Variants in INPP4A observed in about 807,000 individuals in gnomAD.
INPP4A encodes the protein inositol polyphosphate-4-phosphatase, type I, 107kD.
INPP4A carries 33 observed loss-of-function variants against 119.8 expected under a neutral mutation model. The ratio of observed to expected loss-of-function variants is 0.28; its 90% CI spans 0.21 to 0.37. The LOEUF is 0.37. INPP4A is among the 10% of genes least tolerant of loss of function. The pLI is 1.00. For synonymous variants in INPP4A, 496 were observed against 500.7 expected (o/e 0.99, Z 0.12); for missense variants, 956 against 1,289.9 (o/e 0.74, Z 3.97).
At chr2:98,528,068 G>A (rs183565117) in intron 4 of INPP4A, among the ~76,000 whole-genome samples, 1 of 152,172 alleles carries the variant, frequency 6.6e-6, no homozygotes, top group Non-Finnish European at 1.5e-5. Context: ...AGGCACAAAT[G>A]TTTAACTTAG....
intron 10 of INPP4A, among the ~76,000 whole-genome samples, chr2:98,541,550 T>C (rs1393286486): frequency 1.3e-5 from 2 of 152,226 alleles, no homozygotes; most frequent in African/African-American, 4.8e-5. Flanking sequence ...TAATTTCCCA[T>C]TACATGGTGT....
intron 1 of INPP4A, among the ~76,000 whole-genome samples, chr2:98,488,791 A>G (rs1037480457): frequency 1.3e-5 from 2 of 152,234 alleles, no homozygotes; most frequent in South Asian, 4.1e-4. Flanking sequence ...CAGGGAAAGG[A>G]CCAGGAGACT....
At chr2:98,471,848 C>T (rs1401113898) in intron 1 of INPP4A, among the ~76,000 whole-genome samples, 1 of 152,162 alleles carries the variant, frequency 6.6e-6, no homozygotes, top group Non-Finnish European at 1.5e-5. Context: ...TGAAATTCTG[C>T]CACAGGCCAA....
chr2:98,514,989 T>C (rs1021241111), intron 1 of INPP4A, among the ~76,000 whole-genome samples: 2 of 151,864 alleles, frequency 1.3e-5, no homozygotes, highest in African/African-American at 2.4e-5. Flanking sequence ...TTTGGATAGC[T>C]GAGCATGCAG....
rs1697316554 is a variant in INPP4A, at chr2:98,570,834, C to T, written c.2519-1981C>T. Reference sequence around the variant, plus strand: ...AAACAGGTGTTCTTGTCCTGCTCAACATGAGAGAGGTGAGCACAGAACCGG... The same window carrying T: ...AAACAGGTGTTCTTGTCCTGCTCAATATGAGAGAGGTGAGCACAGAACCGG... On this transcript the variant is annotated intron_variant, in intron 22 of 24. Transcript: ENST00000409851. The surrounding 1 kb of genome is among the most constrained non-coding windows in gnomAD (Gnocchi z 4.3). 6.6e-6 allele frequency among the ~76,000 whole-genome samples: 1 copy of T among 152,152 alleles called. No individual in the cohort carries two copies. Among genetic ancestry groups the T allele is most frequent in the African/African-American group, 2.4e-5 (1 of 41,424 alleles).
At chr2:98,555,996 A>G (rs1010205878) in intron 16 of INPP4A, 188 bp downstream of exon 16, 7 of 603,204 alleles carry the variant, frequency 1.2e-5, no homozygotes, top group South Asian at 2.5e-5. Flanking sequence ...TTGCCTTTCC[A>G]TGTAACTGGA....
intron 23 of INPP4A, among the ~76,000 whole-genome samples, chr2:98,575,798 A>G (rs1468029852): frequency 1.3e-5 from 2 of 152,190 alleles, no homozygotes; most frequent in Admixed American, 6.5e-5. Context: ...GGAGCCCACC[A>G]TCATATCACT....
At chr2:98,446,499 C>T (rs1694218145) in intron 1 of INPP4A, among the ~76,000 whole-genome samples, 1 of 152,024 alleles carries the variant, frequency 6.6e-6, no homozygotes, top group South Asian at 2.1e-4. Context: ...GTGAACGGGC[C>T]TCTCGGTGCC....
At chr2:98,475,096 A>G (rs978098038) in intron 1 of INPP4A, among the ~76,000 whole-genome samples, 1 of 152,136 alleles carries the variant, frequency 6.6e-6, no homozygotes, top group East Asian at 1.9e-4. Flanking sequence ...TGCTGTTTAA[A>G]TTGGTCATGT....
intron 2 of INPP4A, chr2:98,519,364 C>G (rs1325794243): frequency 6.6e-6 from 1 of 152,322 alleles, no homozygotes; most frequent in African/African-American, 2.4e-5. Context: ...CCCTCCCTTT[C>G]CATAGCACAG....
At chr2:98,576,730 CAG>C (rs1233565531) in intron 23 of INPP4A, among the ~76,000 whole-genome samples, 5 of 152,188 alleles carry the variant, frequency 3.3e-5, no homozygotes, top group African/African-American at 4.8e-5. Context: ...GCAGGCCACA[CAG>C]GGGATGGCAG....
chr2:98,518,117 T>G (rs2105697457), intron 1 of INPP4A, among the ~76,000 whole-genome samples: 1 of 152,388 alleles, frequency 6.6e-6, no homozygotes, highest in Admixed American at 6.5e-5. Context: ...TGTACAACCA[T>G]TACTGTAAAA....
At chr2:98,508,084 G>A (rs1040637442) in intron 1 of INPP4A, among the ~76,000 whole-genome samples, 11 of 152,152 alleles carry the variant, frequency 7.2e-5, no homozygotes, top group African/African-American at 2.4e-4. Context: ...TCTGTCCTGA[G>A]AAGCCATGAG....
intron 10 of INPP4A, among the ~76,000 whole-genome samples, chr2:98,541,125 A>C (rs986362054): frequency 2.0e-5 from 3 of 152,186 alleles, no homozygotes; most frequent in Non-Finnish European, 2.9e-5. Context: ...CAGGAGATTG[A>C]GACCATCCTG....
At chr2:98,584,756 G>C (rs1341275865) in intron 24 of INPP4A, among the ~76,000 whole-genome samples, 2 of 152,258 alleles carry the variant, frequency 1.3e-5, no homozygotes, top group Non-Finnish European at 2.9e-5. Flanking sequence ...TAGGTGGTGG[G>C]TTGGTTTTGG....
At chr2:98,462,476 A>G (rs1167989813) in intron 1 of INPP4A, among the ~76,000 whole-genome samples, 2 of 152,102 alleles carry the variant, frequency 1.3e-5, no homozygotes, top group Admixed American at 1.3e-4. Flanking sequence ...AGATAAAAAT[A>G]AAATAAAATA....
chr2:98,517,909 AG>A (rs1010149358), intron 1 of INPP4A, among the ~76,000 whole-genome samples: 2 of 152,212 alleles, frequency 1.3e-5, no homozygotes, highest in African/African-American at 4.8e-5. Context: ...AGCTTCCCCC[AG>A]GTCCTCCAGC....
intron 7 of INPP4A, among the ~76,000 whole-genome samples, chr2:98,537,443 C>T (rs1223848857): frequency 6.6e-6 from 1 of 152,190 alleles, no homozygotes; most frequent in East Asian, 1.9e-4. Context: ...TAATATAAGC[C>T]TCAAGGTGGG....
chr2:98,468,275 G>T (rs2104780244), intron 1 of INPP4A, among the ~76,000 whole-genome samples: 1 of 152,312 alleles, frequency 6.6e-6, no homozygotes, highest in East Asian at 1.9e-4. Context: ...TTGCTCTGTT[G>T]TCTAGTCTGG....
Sources: allele counts gnomAD v4.1 joint callset (sites outside exome capture counted in the v4.1 genomes callset), GRCh38; gene constraint gnomAD v4.1.1; non-coding constraint Gnocchi (gnomAD v3.1); transcripts MANE v1.5; gene names NCBI Gene and HGNC (gene_info 2026-07-23, HGNC 2026-07-21).